The following UGT2A1 variants were observed in gnomAD, a reference collection of about 807,000 sequenced individuals.
UGT2A1 encodes UDP glucuronosyltransferase family 2 member A1 complex locus.
UGT2A1 carries 61 observed loss-of-function variants against 45.4 expected under a neutral mutation model. That is an observed-to-expected ratio of 1.34 (90% confidence interval 1.09 to 1.66). UGT2A1 has a LOEUF of 1.66. Ranked by LOEUF, UGT2A1 falls within the 40% of genes most tolerant of loss-of-function variation. The probability of loss-of-function intolerance (pLI) is 0.00; values close to 1 mark genes in which losing one functional copy is unlikely to be tolerated. For missense variants in UGT2A1, 649 were observed against 574.3 expected, an observed-to-expected ratio of 1.13 and a Z score of -1.33; for synonymous variants, 229 against 196.2, an observed-to-expected ratio of 1.17 and a Z score of -1.40.
intron 6 of UGT2A1, among the ~76,000 whole-genome samples, chr4:69,590,064 C>G (rs1318260056): frequency 6.6e-6 from 1 of 152,084 alleles, no homozygotes; most frequent in Non-Finnish European, 1.5e-5. Context: ...GTTCATATGA[C>G]AGACAAAGGA....
chr4:69,639,229 C>T, intron 2 of UGT2A1: 1 of 1,613,674 alleles, frequency 6.2e-7, no homozygotes, highest in African/African-American at 1.3e-5. Context: ...TTCTTTAGTA[C>T]ACCATCACAG....
chr4:69,651,500 C>T (rs1027901943), intron 1 of UGT2A1, among the ~76,000 whole-genome samples: 5 of 152,128 alleles, frequency 3.3e-5, no homozygotes, highest in East Asian at 1.9e-4. Context: ...AAGAAGCTAG[C>T]ATACTCAAAT....
At chr4:69,624,025 T>C (rs1720900671) in intron 3 of UGT2A1, among the ~76,000 whole-genome samples, 1 of 151,604 alleles carries the variant, frequency 6.6e-6, no homozygotes. Flanking sequence ...ATATGAACTC[T>C]GTTATTTCCT....
In UGT2A1 at chr4:69,595,184, C is replaced by T. The variant is rs775235357; in HGVS notation, c.1062G>A (p.Trp354Ter). Reference sequence around the variant, plus strand: ...TACCAAGAAGATCATTCTGGGGTATCCAATCAAAGAGCTGAGTATTGTTTC... The same window carrying T: ...TACCAAGAAGATCATTCTGGGGTATTCAATCAAAGAGCTGAGTATTGTTTC... ...TLGNNTQLFDWIPQNDLLGHP... is the reference protein window; with the variant it reads ...TLGNNTQLFD Residue 354 changes from tryptophan (W) to a stop codon, truncating the protein, a stop_gained, in exon 5 of 7, where the codon TGG becomes TGA. Transcript: ENST00000286604. LOFTEE classifies it high-confidence loss of function. 1.1e-5 allele frequency: 17 copies of T among 1,613,794 alleles called. No homozygotes were observed. The South Asian group carries it at 1.2e-4, about 11-fold the overall frequency.
intron 1 of UGT2A1, among the ~76,000 whole-genome samples, chr4:69,649,335 A>C (rs1366472112): frequency 6.6e-6 from 1 of 152,086 alleles, no homozygotes; most frequent in Non-Finnish European, 1.5e-5. Context: ...TATGGTGTGC[A>C]CAAAATTTTT....
chr4:69,615,235 C>T (rs551721831), intron 3 of UGT2A1, among the ~76,000 whole-genome samples: 12 of 152,126 alleles, frequency 7.9e-5, no homozygotes, highest in African/African-American at 2.9e-4. Context: ...TAAATCTAAT[C>T]TTTCTAATCT....
intron 3 of UGT2A1, among the ~76,000 whole-genome samples, chr4:69,620,780 G>C (rs1206642683): frequency 1.3e-5 from 2 of 151,602 alleles, no homozygotes; most frequent in Non-Finnish European, 2.9e-5. Context: ...TATGGCACTG[G>C]TACAAAAACA....
chr4:69,628,283 C>CA (rs11441625), intron 3 of UGT2A1, among the ~76,000 whole-genome samples: 53,716 of 151,222 alleles, frequency 0.36, 9,915 homozygotes, highest in African/African-American at 0.45. Context: ...TATGGAGCCA[C>CA]AAAAAAACAA....
chr4:69,652,004 G>A (rs898580417), intron 1 of UGT2A1, among the ~76,000 whole-genome samples: 4 of 152,096 alleles, frequency 2.6e-5, no homozygotes, highest in Admixed American at 2.6e-4. Context: ...TTCCAAGTAC[G>A]TTTTCCTTTC....
At chr4:69,617,308 G>C (rs1158335314) in intron 3 of UGT2A1, among the ~76,000 whole-genome samples, 1 of 151,834 alleles carries the variant, frequency 6.6e-6, no homozygotes, top group Non-Finnish European at 1.5e-5. Flanking sequence ...ATGGTTGATA[G>C]TGCTGAATAA....
intron 3 of UGT2A1, among the ~76,000 whole-genome samples, chr4:69,607,500 T>C (rs1319480261): frequency 1.3e-5 from 2 of 151,842 alleles, no homozygotes; most frequent in East Asian, 1.9e-4. Context: ...ATTCAGGACA[T>C]AGGCATGGGC....
chr4:69,651,258 G>A (rs1274754524), intron 1 of UGT2A1, among the ~76,000 whole-genome samples: 2 of 152,148 alleles, frequency 1.3e-5, no homozygotes, highest in African/African-American at 2.4e-5. Flanking sequence ...GTCTGAATTT[G>A]TGTTTGTAAT....
chr4:69,640,494 G>A (rs562446435), intron 2 of UGT2A1, among the ~76,000 whole-genome samples: 73 of 151,944 alleles, frequency 4.8e-4, no homozygotes, highest in Middle Eastern at 3.4e-3. Context: ...ATCAGATATG[G>A]ATATAGTGTT....
rs759664072 is a variant in UGT2A1 at position 69,594,614 on chromosome 4, CA to C, written c.1166del (p.Val389GlyfsTer16). ...GCTGATCAGCAAACATGGGAACTCC[CA>C]CCATAGGGACTCCGTGGTAAATAGC... is the stretch of plus-strand genomic sequence containing the variant. The part of the protein sequence containing the change: ...YEAIYHGVPM[V>X]GVPMFADQPD... On this transcript the variant is annotated frameshift_variant, in exon 6 of 7. Coordinates refer to ENST00000286604, the MANE Select transcript of UGT2A1 (RefSeq NM_001252275.3). LOFTEE classifies it high-confidence loss of function. 5 of 1,613,986 alleles carry C rather than the reference CA, an allele frequency of 3.1e-6. No homozygotes were observed. The East Asian group carries it at 1.1e-4, about 36-fold the overall frequency.
intron 3 of UGT2A1, among the ~76,000 whole-genome samples, chr4:69,613,620 A>G (rs1314526117): frequency 6.6e-6 from 1 of 152,074 alleles, no homozygotes; most frequent in Non-Finnish European, 1.5e-5. Context: ...TAAAAAGATC[A>G]TTCATCATTA....
At position 69,594,558 on chromosome 4, in the gene UGT2A1, C is replaced by A. The variant is rs777001552; in HGVS notation, c.1223G>T (p.Gly408Val). ...GTTTAGGTTCACTTCCACAGCTGCT[C>A]CTTTGGCCTTCATGTGAGCAATGTT... is the stretch of plus-strand genomic sequence containing the variant. ...PDNIAHMKAKGAAVEVNLNTM... is the reference protein window; with the variant it reads ...PDNIAHMKAKVAAVEVNLNTM... The change falls in exon 6 of 7, where the codon GGA becomes GTA. Residue 408 changes from glycine to valine, a missense_variant. Transcript: ENST00000286604. 3 of 1,614,138 alleles carry A rather than the reference C, an allele frequency of 1.9e-6. No homozygotes were observed. In the South Asian group the frequency reaches 3.3e-5, roughly 18 times the overall value.
intron 3 of UGT2A1, among the ~76,000 whole-genome samples, chr4:69,616,326 G>A (rs1720381196): frequency 6.6e-6 from 1 of 151,828 alleles, no homozygotes; most frequent in Admixed American, 6.6e-5. Flanking sequence ...TAGCACAATA[G>A]GATGACTATA....
intron 3 of UGT2A1, among the ~76,000 whole-genome samples, chr4:69,623,446 G>A (rs1720868683): frequency 6.6e-6 from 1 of 151,654 alleles, no homozygotes; most frequent in South Asian, 2.1e-4. Context: ...AAGCCAATAT[G>A]AATGCATTAC....
intron 6 of UGT2A1, among the ~76,000 whole-genome samples, chr4:69,594,132 A>G (rs1253720980): frequency 6.6e-6 from 1 of 151,474 alleles, no homozygotes; most frequent in Non-Finnish European, 1.5e-5. Context: ...CCACTATCAT[A>G]CCCGGCTAAA....
Sources: allele counts gnomAD v4.1 joint callset (sites outside exome capture counted in the v4.1 genomes callset), GRCh38; gene constraint gnomAD v4.1.1; transcripts MANE v1.5; gene names NCBI Gene and HGNC (gene_info 2026-07-23, HGNC 2026-07-21).